Variants in GCM1 observed in about 807,000 individuals in gnomAD.
GCM1 encodes the protein chorion-specific transcription factor GCMa.
In GCM1, 2 loss-of-function variants were observed where a neutral mutation model predicts 25.7. That is an observed-to-expected ratio of 0.08 (90% CI 0.03 to 0.24). The LOEUF (loss-of-function observed/expected upper bound fraction) is 0.24. Ranked by LOEUF, GCM1 falls within the 10% of genes least tolerant of loss-of-function variation. The pLI is 1.00. For missense variants in GCM1, 395 were observed against 538.7 expected, an observed-to-expected ratio of 0.73 and a Z score of 2.64; for synonymous variants, 183 against 195.7, an observed-to-expected ratio of 0.94 and a Z score of 0.54.
intron 2 of GCM1, among the ~76,000 whole-genome samples, chr6:53,135,065 G>A (rs1276877213): frequency 6.6e-6 from 1 of 152,188 alleles, no homozygotes; most frequent in Non-Finnish European, 1.5e-5. Context: ...TTGACTGAAA[G>A]CGTCTCTGTT....
chr6:53,132,246 G>A, intron 3 of GCM1, 127 bp from the exon 4 acceptor site: 1 of 674,688 alleles, frequency 1.5e-6, no homozygotes, highest in Non-Finnish European at 2.7e-6. Context: ...AGAGTTTCAT[G>A]GGCTGAAATC....
intron 2 of GCM1, among the ~76,000 whole-genome samples, chr6:53,139,510 A>G (rs895517781): frequency 9.2e-5 from 14 of 151,812 alleles, no homozygotes; most frequent in Non-Finnish European, 1.9e-4. Context: ...AAAAAAAAAA[A>G]AAAAAAGGGG....
intron 5 of GCM1, among the ~76,000 whole-genome samples, chr6:53,129,699 C>CT (rs1241350344): frequency 2.0e-5 from 3 of 152,190 alleles, no homozygotes; most frequent in African/African-American, 7.2e-5. Flanking sequence ...CCTCCCTTGA[C>CT]TATTCTATTT....
At chr6:53,140,525 TCTACC>T in intron 2 of GCM1, among the ~76,000 whole-genome samples, 1 of 60,204 alleles carries the variant, frequency 1.7e-5, no homozygotes, top group Non-Finnish European at 3.2e-5. Context: ...GAATGTTCTC[TCTACC>T]AAAAAAAAAA....
rs774031497 is a variant in GCM1, at chr6:53,134,169, C to T, written c.231G>A (p.Leu77=). The T allele has an allele frequency of 4.3e-6, 7 of 1,614,074 alleles. No homozygotes were observed. Among genetic ancestry groups the T allele is most frequent in the South Asian group, 2.2e-5 (2 of 91,088 alleles). ...HNSRILKKSC[L]GVVVCGRDCL... ...AGTCGCGGCCGCACACCACCACACC[C>T]AGGCAGGACTTCTTGAGGATGCGGG... is the stretch of plus-strand genomic sequence containing the variant. Residue 77 remains leucine, a synonymous_variant, in exon 3 of 6, where the codon CTG becomes CTA. Coordinates refer to ENST00000259803, the MANE Select transcript of GCM1 (RefSeq NM_003643.4).
intron 2 of GCM1, among the ~76,000 whole-genome samples, chr6:53,140,069 C>T (rs891532961): frequency 6.6e-6 from 1 of 152,058 alleles, no homozygotes; most frequent in Non-Finnish European, 1.5e-5. Context: ...ACCAGAAGCA[C>T]AGAGTGGCAG....
intron 4 of GCM1, 98 bp downstream of exon 4, chr6:53,131,909 T>G: frequency 1.3e-6 from 1 of 755,398 alleles, no homozygotes; most frequent in South Asian, 1.5e-5. Context: ...GTGTGAGCCC[T>G]CGGGGATGGT....
Position 53,127,937 on chromosome 6 carries a change from G to A in GCM1, c.*269C>T, listed in dbSNP as rs1451956132. The stretch of plus-strand genomic sequence containing the variant: ...CCAGCTACTCGGGAGGCTGACGCAG[G>A]AGAATCACTCAAACCCGGGAGGCAG... On this transcript the variant is annotated 3_prime_UTR_variant, in exon 6 of 6. Coordinates refer to ENST00000259803, the MANE Select transcript of GCM1 (RefSeq NM_003643.4). 4 of 239,706 alleles carry A rather than the reference G, an allele frequency of 1.7e-5. No individual in the cohort carries two copies. The highest frequency in any genetic ancestry group is 9.4e-5 in the East Asian group (1 of 10,628). The allele number at this position is 239,706 out of a possible 1,614,324, so 14.8% of individuals were successfully genotyped here.
intron 2 of GCM1, among the ~76,000 whole-genome samples, chr6:53,141,114 A>G (rs1241305098): frequency 6.6e-6 from 1 of 152,126 alleles, no homozygotes; most frequent in Non-Finnish European, 1.5e-5. Context: ...ATTTTTCTAC[A>G]TGGCATTGAT....
At chr6:53,145,493 C>T (rs930967239) in intron 2 of GCM1, 65 bp downstream of exon 2, 54 of 864,828 alleles carry the variant, frequency 6.2e-5, no homozygotes, top group Admixed American at 2.1e-4. Flanking sequence ...TCCAGGTCTC[C>T]GCATGTTAAT....
intron 2 of GCM1, among the ~76,000 whole-genome samples, chr6:53,139,617 C>T (rs964742695): frequency 3.3e-5 from 5 of 151,982 alleles, no homozygotes; most frequent in Non-Finnish European, 7.4e-5. Flanking sequence ...CCTGTAATCC[C>T]GGCACTTTGG....
intron 2 of GCM1, among the ~76,000 whole-genome samples, chr6:53,142,868 T>A (rs1232527020): frequency 1.2e-4 from 2 of 16,642 alleles, no homozygotes; most frequent in South Asian, 4.9e-3. Flanking sequence ...CTCAAGGATC[T>A]CCAAAAAAAA....
rs755117758 is a variant in GCM1 at position 53,134,329 on chromosome 6, T to C, written c.76-5A>G. ...CCAGTCGGTTTTTTTCACGTTCTGA[T>C]AGAAACACAAAAGATACGACTATAC... On this transcript the variant is annotated splice_polypyrimidine_tract_variant and splice_region_variant and intron_variant, in intron 2 of 5. Coordinates refer to ENST00000259803, the MANE Select transcript of GCM1 (RefSeq NM_003643.4). The C allele has an allele frequency of 1.2e-6, 2 of 1,612,716 alleles. No homozygotes were observed. Among genetic ancestry groups the C allele is most frequent in the South Asian group, 1.1e-5 (1 of 91,056 alleles).
At chr6:53,146,046 C>A (rs929607460) in intron 1 of GCM1, among the ~76,000 whole-genome samples, 11 of 152,012 alleles carry the variant, frequency 7.2e-5, no homozygotes, top group Non-Finnish European at 1.2e-4. Flanking sequence ...CATCTGTAAC[C>A]AATGGCTAGG....
Position 53,128,099 on chromosome 6 carries a change from G to C in GCM1, c.*107C>G, listed in dbSNP as rs1763669792. 3.6e-6 allele frequency: 2 copies of C among 555,238 alleles called. No individual in the cohort carries two copies. The highest frequency in any genetic ancestry group is 2.8e-5 in the Admixed American group (1 of 35,656). The allele number at this position is 555,238 out of a possible 1,614,324, so 34.4% of individuals were successfully genotyped here. On this transcript the variant is annotated 3_prime_UTR_variant, in exon 6 of 6. Transcript: ENST00000259803. ...AAAAGCCTTGTCTACTGCTTATCAT[G>C]ATTCTCATTTATCTGTGGTTATGTT...
intron 1 of GCM1, among the ~76,000 whole-genome samples, chr6:53,146,755 C>A (rs1763963474): frequency 6.6e-6 from 1 of 152,058 alleles, no homozygotes. Flanking sequence ...TGGTCTCTAC[C>A]CATTAGGTGC....
intron 2 of GCM1, among the ~76,000 whole-genome samples, chr6:53,135,392 C>CT (rs1433949688): frequency 2.0e-5 from 3 of 152,194 alleles, no homozygotes; most frequent in Non-Finnish European, 2.9e-5. Flanking sequence ...GTTTCTTCAT[C>CT]TGTAATGTAG....
At chr6:53,147,025 C>A (rs957223077) in intron 1 of GCM1, among the ~76,000 whole-genome samples, 14 of 151,540 alleles carry the variant, frequency 9.2e-5, no homozygotes, top group Non-Finnish European at 1.6e-4. Context: ...CAGAGTGAGA[C>A]CTTGTCTCAA....
At chr6:53,132,461 A>T (rs1276534278) in intron 3 of GCM1, among the ~76,000 whole-genome samples, 1 of 152,256 alleles carries the variant, frequency 6.6e-6, no homozygotes, top group Non-Finnish European at 1.5e-5. Flanking sequence ...CCATAATCCC[A>T]GCACTTTGGG....
Sources: gnomAD v4.1 joint callset for allele counts (sites outside exome capture counted in the v4.1 genomes callset) on GRCh38, gnomAD v4.1.1 for gene constraint, MANE v1.5 for transcripts, NCBI Gene and HGNC (gene_info 2026-07-23, HGNC 2026-07-21) for gene names.